The following CAST variants were observed in gnomAD, a reference collection of about 807,000 sequenced individuals.
CAST encodes MIR583 host.
A neutral mutation model predicts 119.6 loss-of-function variants in CAST; 76 were observed. That is an observed-to-expected ratio of 0.64 (90% CI 0.53 to 0.77). CAST has a LOEUF of 0.77. CAST is among the 30% of genes least tolerant of loss of function. CAST has a pLI of 0.00. For missense variants in CAST, 953 were observed against 946.5 expected (o/e 1.01, Z -0.09); for synonymous variants, 319 against 331.6 (o/e 0.96, Z 0.41).
the CAST span, chr5:96,421,855 T>C: frequency 8.1e-7 from 1 of 1,231,864 alleles, no homozygotes; most frequent in South Asian, 1.2e-5. Context: ...AGTACTTTAT[T>C]TCACACAAAT....
chr5:96,112,234 G>A, the CAST span, among the ~76,000 whole-genome samples: 24 of 151,920 alleles, frequency 1.6e-4, no homozygotes, highest in East Asian at 3.9e-3. Flanking sequence ...AAAGCCAGTG[G>A]GAATATATTA....
At chr5:95,997,791 T>C in the CAST span, among the ~76,000 whole-genome samples, 4 of 152,066 alleles carry the variant, frequency 2.6e-5, no homozygotes, top group African/African-American at 4.8e-5. Flanking sequence ...CATAGTTTTC[T>C]GGATCTTTCT....
Position 96,754,174 on chromosome 5 carries a change from G to C in CAST, c.1626+13G>C. The C allele has an allele frequency of 6.9e-7, 1 of 1,447,810 alleles. No homozygotes were observed. Among genetic ancestry groups the C allele is most frequent in the Non-Finnish European group, 9.7e-7 (1 of 1,028,246 alleles). The allele number at this position is 1,447,810 out of a possible 1,614,324, so 89.7% of individuals were successfully genotyped here. A position where few individuals can be genotyped will look rare whatever the true frequency, so the allele number is the denominator to read the frequency against. ...GGATAAAGTCAAGGTAATGGCAACT[G>C]AGATGCTTCTGGAAAATAAATATCA... On this transcript the variant is annotated intron_variant, in intron 21 of 31. Coordinates refer to ENST00000675179, the MANE Select transcript of CAST (RefSeq NM_001750.7).
chr5:96,323,361 C>T, the CAST span, among the ~76,000 whole-genome samples: 1 of 152,148 alleles, frequency 6.6e-6, no homozygotes, highest in African/African-American at 2.4e-5. Flanking sequence ...AGAACATTGT[C>T]ACTGAGGGGA....
chr5:96,054,651 C>T, the CAST span, among the ~76,000 whole-genome samples: 3 of 151,980 alleles, frequency 2.0e-5, no homozygotes, highest in Non-Finnish European at 4.4e-5. Context: ...TTCCTGATTC[C>T]CCAGTTAAAA....
chr5:96,019,446 G>A, the CAST span, among the ~76,000 whole-genome samples: 82 of 152,212 alleles, frequency 5.4e-4, no homozygotes, highest in African/African-American at 1.9e-3. Flanking sequence ...ACTTGCTCTG[G>A]GGGAGCAAGG....
the CAST span, among the ~76,000 whole-genome samples, chr5:96,286,046 G>A: frequency 6.6e-6 from 1 of 152,152 alleles, no homozygotes; most frequent in Non-Finnish European, 1.5e-5. Context: ...TTTTAACATA[G>A]AAACAGAGCA....
chr5:96,549,320 C>G (rs1746080926), intron 1 of CAST, among the ~76,000 whole-genome samples: 1 of 152,090 alleles, frequency 6.6e-6, no homozygotes, highest in Non-Finnish European at 1.5e-5. Flanking sequence ...AGTGATTATT[C>G]CAAAATTGGA....
At chr5:96,615,714 G>T (rs941064979) in intron 1 of CAST, among the ~76,000 whole-genome samples, 1 of 152,144 alleles carries the variant, frequency 6.6e-6, no homozygotes, top group Non-Finnish European at 1.5e-5. Context: ...TCAAGCATTT[G>T]CTGGGAAAGA....
At chr5:96,319,522 T>C in the CAST span, among the ~76,000 whole-genome samples, 5 of 152,218 alleles carry the variant, frequency 3.3e-5, no homozygotes, top group Non-Finnish European at 4.4e-5. Flanking sequence ...GGTTGTTATA[T>C]AGGTTAGTTG....
At chr5:96,203,598 G>C in the CAST span, among the ~76,000 whole-genome samples, 2 of 151,980 alleles carry the variant, frequency 1.3e-5, no homozygotes, top group African/African-American at 4.8e-5. Flanking sequence ...AGTAGCTGCT[G>C]TTCTCTTTAT....
the CAST span, among the ~76,000 whole-genome samples, chr5:96,348,343 T>C: frequency 6.6e-6 from 1 of 151,620 alleles, no homozygotes; most frequent in Non-Finnish European, 1.5e-5. Context: ...TGGAGAGACA[T>C]GAATAATGCT....
At chr5:96,452,956 C>CAAAAAAAAAAAAA in the CAST span, among the ~76,000 whole-genome samples, 13 of 62,708 alleles carry the variant, frequency 2.1e-4, no homozygotes, top group African/African-American at 1.6e-3. Flanking sequence ...GACTCCGTCT[C>CAAAAAAAAAAAAA]AAAAAAAAAA....
At chr5:96,429,699 A>G in the CAST span, among the ~76,000 whole-genome samples, 1 of 152,164 alleles carries the variant, frequency 6.6e-6, no homozygotes, top group Non-Finnish European at 1.5e-5. Flanking sequence ...GAGTGAGAAC[A>G]TGCGGTATTC....
rs986294268 is a variant in CAST, at chr5:96,533,666, GA to G, written c.60+3793del. On this transcript the variant is annotated intron_variant, in intron 1 of 11. Transcript: ENST00000505143. The stretch of plus-strand genomic sequence containing the variant: ...AAATTTTCGGCCATGCACTTCCATA[GA>G]AAAAAACAAAATGCCACTTTTCATT... Among the ~76,000 whole-genome samples the G allele has an allele frequency of 1.2e-3, 188 of 152,130 alleles. 2 individuals are homozygous for G. The highest frequency in any genetic ancestry group is 4.6e-4 in the Non-Finnish European group (31 of 67,990).
At chr5:96,561,354 AT>A (rs1262418220) in intron 1 of CAST, among the ~76,000 whole-genome samples, 1 of 109,878 alleles carries the variant, frequency 9.1e-6, no homozygotes, top group Non-Finnish European at 2.0e-5. Flanking sequence ...TTAAAGTATA[AT>A]AAAAAAAAGA....
the CAST span, among the ~76,000 whole-genome samples, chr5:96,407,740 T>C: frequency 2.0e-5 from 3 of 152,216 alleles, no homozygotes; most frequent in Non-Finnish European, 4.4e-5. Flanking sequence ...AAATCTCATG[T>C]CCCCTGATGT....
the CAST span, among the ~76,000 whole-genome samples, chr5:96,405,121 G>T: frequency 6.6e-6 from 1 of 152,152 alleles, no homozygotes; most frequent in Non-Finnish European, 1.5e-5. Flanking sequence ...ATGTTCAATT[G>T]AGAACAGAAA....
At chr5:96,542,989 T>C (rs975425627) in intron 1 of CAST, among the ~76,000 whole-genome samples, 3 of 152,170 alleles carry the variant, frequency 2.0e-5, no homozygotes, top group African/African-American at 7.2e-5. Context: ...TCCTCAAGGA[T>C]CTAGAACCAG....
Sources: allele counts gnomAD v4.1 joint callset (sites outside exome capture counted in the v4.1 genomes callset), GRCh38; gene constraint gnomAD v4.1.1; transcripts MANE v1.5; gene names NCBI Gene and HGNC (gene_info 2026-07-23, HGNC 2026-07-21).